HHLA1: variants seen among roughly 807,000 people sequenced by gnomAD.
HHLA1 encodes the protein HHLA1 neighbor of OC90, also known as HERV-H LTR-associating protein 1.
HHLA1 carries 72 observed loss-of-function variants against 69.9 expected under a neutral mutation model. The observed-to-expected ratio is 1.03, with a 90% confidence interval of 0.85 to 1.25. The LOEUF is 1.25. HHLA1 is among the 50% of genes most tolerant of loss of function. The probability of loss-of-function intolerance (pLI) is 0.00; values close to 1 mark genes in which losing one functional copy is unlikely to be tolerated. For synonymous variants in HHLA1, 252 were observed against 233.2 expected, an observed-to-expected ratio of 1.08 and a Z score of -0.73; for missense variants, 685 against 642.2, an observed-to-expected ratio of 1.07 and a Z score of -0.72.
chr8:132,081,251 T>C (rs1402499461), intron 10 of HHLA1: 1 of 152,204 alleles, frequency 6.6e-6, no homozygotes, highest in African/African-American at 2.4e-5. Flanking sequence ...ATAGTAGGGA[T>C]GACAAGTTTT....
chr8:132,071,588 C>A, intron 14 of HHLA1, 95 bp from the exon 15 acceptor site: 1 of 1,177,388 alleles, frequency 8.5e-7, no homozygotes, highest in Non-Finnish European at 1.2e-6. Context: ...TAGTCTTGTC[C>A]TGATCTCACG....
chr8:132,076,099 G>T lies in HHLA1; in HGVS notation c.1271C>A (p.Ala424Asp). The change falls in exon 14 of 17, where the codon GCT becomes GAT. Residue 424 changes from alanine (A) to aspartate (D), a missense_variant. By Grantham distance (126) the Ala-to-Asp change is moderately radical. Coordinates refer to ENST00000414222, the MANE Select transcript of HHLA1 (RefSeq NM_001145095.3). ...TGGGACCAGGACTGGCTCTTCACCA[G>T]CAGTGAATGGCCACTCTGCAGAGAG... ...GDLSAEWPFT[A>D]GEEPVLVPRP... 1.3e-6 allele frequency: 2 copies of T among 1,551,306 alleles called. No homozygotes were observed. The highest frequency in any genetic ancestry group is 8.7e-7 in the Non-Finnish European group (1 of 1,146,902).
chr8:132,107,481 A>G (rs1026815172), intron 1 of HHLA1, among the ~76,000 whole-genome samples: 1 of 152,012 alleles, frequency 6.6e-6, no homozygotes, highest in Non-Finnish European at 1.5e-5. Flanking sequence ...TTGTATTATT[A>G]GTAGAGACAG....
chr8:132,100,356 G>C lies in HHLA1; in HGVS notation c.140-222C>G, dbSNP rs540761899. Among the ~76,000 whole-genome samples, 11 of 152,164 alleles carry C rather than the reference G, an allele frequency of 7.2e-5. No homozygotes were observed. In the South Asian group the frequency reaches 2.1e-3, roughly 29 times the overall value. Reference sequence around the variant, plus strand: ...TAGAAATGCACATTTTAATAAATCAGCTTGGCGATTCTGATACAGGGGGTC... The same window carrying C: ...TAGAAATGCACATTTTAATAAATCACCTTGGCGATTCTGATACAGGGGGTC... On this transcript the variant is annotated intron_variant, in intron 3 of 16. Coordinates refer to ENST00000414222, the MANE Select transcript of HHLA1 (RefSeq NM_001145095.3).
intron 14 of HHLA1, 106 bp downstream of exon 14, chr8:132,075,949 T>G: frequency 1.3e-6 from 1 of 796,798 alleles, no homozygotes; most frequent in Middle Eastern, 2.3e-4. Flanking sequence ...TTGAATCCCA[T>G]GAGTCTGATT....
chr8:132,108,595 AG>A (rs1441432193), intron 1 of HHLA1, among the ~76,000 whole-genome samples: 1 of 152,148 alleles, frequency 6.6e-6, no homozygotes. Flanking sequence ...TATTTATTGA[AG>A]GGGATCAAAA....
chr8:132,099,993 G>T, intron 4 of HHLA1, 82 bp downstream of exon 4: 1 of 1,009,030 alleles, frequency 9.9e-7, no homozygotes, highest in Non-Finnish European at 1.5e-6. Flanking sequence ...TCGCCACTGT[G>T]GGAAAGAACA....
At position 132,095,718 on chromosome 8, in the gene HHLA1, CA is replaced by C; in HGVS notation, c.348del (p.Val117Ter). The C allele has an allele frequency of 6.4e-7, 1 of 1,551,158 alleles. No homozygotes were observed. The highest frequency in any genetic ancestry group is 8.7e-7 in the Non-Finnish European group (1 of 1,146,770). On this transcript the variant is annotated frameshift_variant, in exon 6 of 17. Coordinates refer to ENST00000414222, the MANE Select transcript of HHLA1 (RefSeq NM_001145095.3). LOFTEE classifies it high-confidence loss of function. ...CAGCACTCACTGTTGTAAACAGCTA[CA>C]GAAAACTTGTGGAAGGCGAAGGAAC... ...SYSSFAFHKF[S>X]VAVYNISNLK...
rs79355606 is a variant in HHLA1 at position 132,076,363 on chromosome 8, A to G, written c.1240+112T>C. 6.4e-3 allele frequency: 5,054 copies of G among 790,034 alleles called. 46 individuals carry two copies. Among genetic ancestry groups the G allele is most frequent in the East Asian group, 0.031 (1,138 of 37,150 alleles). 48.9% of individuals were successfully genotyped at this position (790,034 alleles called of 1,614,324 possible). ...CCTGCAGGAAACAATAAAGCAGAGTAACCTGCTTAGATTGCTTACTGGTAC... is the reference window on the plus strand; with the variant it reads ...CCTGCAGGAAACAATAAAGCAGAGTGACCTGCTTAGATTGCTTACTGGTAC... On this transcript the variant is annotated intron_variant, in intron 13 of 16. Coordinates refer to ENST00000414222, the MANE Select transcript of HHLA1 (RefSeq NM_001145095.3).
chr8:132,096,226 G>A (rs1824024807), intron 5 of HHLA1, among the ~76,000 whole-genome samples: 1 of 152,202 alleles, frequency 6.6e-6, no homozygotes, highest in African/African-American at 2.4e-5. Flanking sequence ...GCGGCTGCCT[G>A]TGTCCCTTGG....
At chr8:132,066,353 C>T (rs986655224) in intron 15 of HHLA1, among the ~76,000 whole-genome samples, 4 of 152,132 alleles carry the variant, frequency 2.6e-5, no homozygotes, top group Admixed American at 6.5e-5. Flanking sequence ...ACCCAGCATA[C>T]AAGAGGTGCT....
intron 12 of HHLA1, 84 bp from the exon 13 acceptor site, chr8:132,076,627 C>CTGACATGGTGGG: frequency 1.2e-6 from 1 of 842,558 alleles, no homozygotes; most frequent in Non-Finnish European, 1.8e-6. Context: ...CCTATCCTGC[C>CTGACATGGTGGG]CTATCCAACC....
At chr8:132,066,458 A>G (rs1467643284) in intron 15 of HHLA1, among the ~76,000 whole-genome samples, 1 of 152,224 alleles carries the variant, frequency 6.6e-6, no homozygotes, top group Non-Finnish European at 1.5e-5. Context: ...CAATGCAGCA[A>G]ACACTTTGCA....
rs551433595 is a variant in HHLA1 at position 132,080,084 on chromosome 8, A to T, written c.677-118T>A. The T allele has an allele frequency of 1.1e-4, 140 of 1,332,960 alleles. No homozygotes were observed. The South Asian group carries it at 1.7e-3, about 16-fold the overall frequency. 82.6% of individuals were successfully genotyped at this position (1,332,960 alleles called of 1,614,324 possible). On this transcript the variant is annotated intron_variant, in intron 10 of 16. Transcript: ENST00000414222. Reference sequence around the variant, plus strand: ...GGAGATTCAAACCTTTCTCTAATTAAAAGTATCAGGCATTTGCTATGTTTC... The same window carrying T: ...GGAGATTCAAACCTTTCTCTAATTATAAGTATCAGGCATTTGCTATGTTTC...
intron 4 of HHLA1, among the ~76,000 whole-genome samples, chr8:132,099,362 C>T (rs762957159): frequency 3.2e-4 from 48 of 152,238 alleles, no homozygotes; most frequent in Admixed American, 2.8e-3. Flanking sequence ...CACACCCTGG[C>T]TGAGCATTGA....
At chr8:132,087,072 C>T (rs145676226) in intron 10 of HHLA1, among the ~76,000 whole-genome samples, 381 of 152,054 alleles carry the variant, frequency 2.5e-3, no homozygotes, top group Middle Eastern at 3.4e-3. Context: ...GTTATGGGAC[C>T]GTAGAAGACA....
intron 14 of HHLA1, 71 bp downstream of exon 14, chr8:132,075,984 T>C (rs1340651356): frequency 2.6e-6 from 3 of 1,148,990 alleles, no homozygotes; most frequent in Middle Eastern, 1.9e-4. Flanking sequence ...AACAAACCTC[T>C]CCTTATTCTA....
intron 15 of HHLA1, among the ~76,000 whole-genome samples, chr8:132,067,376 G>A (rs1201629470): frequency 6.6e-6 from 1 of 152,208 alleles, no homozygotes; most frequent in East Asian, 1.9e-4. Flanking sequence ...CTTCATTAAA[G>A]AGTCTACTAG....
rs542728390 is a variant in HHLA1 at position 132,064,000 on chromosome 8, C to T, written c.1591G>A (p.Val531Met). 3.8e-6 allele frequency: 5 copies of T among 1,301,784 alleles called. No homozygotes were observed. The highest frequency in any genetic ancestry group is 3.0e-5 in the African/African-American group (2 of 65,790). 80.6% of individuals were successfully genotyped at this position (1,301,784 alleles called of 1,614,324 possible). Residue 531 changes from valine (V) to methionine (M), a missense_variant, in exon 17 of 17, where the codon GTG becomes ATG. By Grantham distance (21) the Val-to-Met change is conservative. Coordinates refer to ENST00000414222, the MANE Select transcript of HHLA1 (RefSeq NM_001145095.3). ...CTAGTGTTATTTTCAAGGCCTCACA[C>T]AGACTTGCAGATATTCTCAAGGCAC... ...QKCLENICKS[V>M] is the part of the protein sequence containing the mutation.
Sources: gnomAD v4.1 joint callset for allele counts (sites outside exome capture counted in the v4.1 genomes callset) on GRCh38, gnomAD v4.1.1 for gene constraint, MANE v1.5 for transcripts, NCBI Gene and HGNC (gene_info 2026-07-23, HGNC 2026-07-21) for gene names.